SCAF8: variants seen among roughly 807,000 people sequenced by gnomAD.
The protein encoded by SCAF8 is SR-related CTD associated factor 8, also known as SR-related and CTD-associated factor 8.
SCAF8 carries 23 observed loss-of-function variants against 140.5 expected under a neutral mutation model. The ratio of observed to expected loss-of-function variants is 0.16; its 90% CI spans 0.12 to 0.23. The LOEUF (loss-of-function observed/expected upper bound fraction) is 0.23, where lower values mean the gene tolerates loss of function less well. Among genes scored for constraint, SCAF8 ranks in the 10% least tolerant of loss-of-function variants. SCAF8 has a pLI of 1.00. For missense variants in SCAF8, 1,397 were observed against 1,555.7 expected (o/e 0.90, Z 1.72); for synonymous variants, 575 against 528.9 (o/e 1.09, Z -1.20).
At chr6:154,747,896 C>CTGTGTG (rs71021073) in intron 1 of SCAF8, among the ~76,000 whole-genome samples, 6,178 of 144,632 alleles carry the variant, frequency 0.043, 155 homozygotes, top group East Asian at 0.11. Context: ...CATTTCATTT[C>CTGTGTG]TGTGTGTGTG....
In SCAF8 at chr6:154,733,540, G is replaced by C. The variant is rs980296562; in HGVS notation, c.-361G>C. On this transcript the variant is annotated 5_prime_UTR_variant, in exon 1 of 20. Transcript: ENST00000367178. ...GCCCGTCGGAGGAAGGGGCAGAAGGGAGTGGAGAGTGTAGGGGAAGGGGCT... is the reference window on the plus strand; with the variant it reads ...GCCCGTCGGAGGAAGGGGCAGAAGGCAGTGGAGAGTGTAGGGGAAGGGGCT... The C allele has an allele frequency of 8.5e-6, 11 of 1,297,312 alleles. No individual in the cohort carries two copies. Among genetic ancestry groups the C allele is most frequent in the Non-Finnish European group, 1.1e-5 (11 of 1,023,166 alleles). 80.4% of individuals were successfully genotyped at this position (1,297,312 alleles called of 1,614,324 possible).
chr6:154,739,092 C>A (rs1778502211), intron 1 of SCAF8, among the ~76,000 whole-genome samples: 1 of 152,142 alleles, frequency 6.6e-6, no homozygotes, highest in Non-Finnish European at 1.5e-5. Context: ...CTCAAGTGAT[C>A]TTCCTGCTTC....
rs1481573353 is a variant in SCAF8 at position 154,805,489 on chromosome 6, T to A, written c.981+3T>A. The A allele has an allele frequency of 1.3e-6, 2 of 1,546,940 alleles. No individual in the cohort carries two copies. Among genetic ancestry groups the A allele is most frequent in the Non-Finnish European group, 1.8e-6 (2 of 1,123,318 alleles). On this transcript the variant is annotated splice_donor_region_variant and intron_variant, in intron 9 of 19. Coordinates refer to ENST00000367178, the MANE Select transcript of SCAF8 (RefSeq NM_014892.5). ...TGGAGCAGCAACAGCCTCAAAAGGT[T>A]TATAACCCCATCTTGTGGTCTTTAG... is the stretch of plus-strand genomic sequence containing the variant.
chr6:154,827,509 T>TA (rs1274852872), intron 18 of SCAF8, among the ~76,000 whole-genome samples: 2 of 152,190 alleles, frequency 1.3e-5, no homozygotes, highest in African/African-American at 4.8e-5. Context: ...CTATGTGTAT[T>TA]AAATGTCTTA....
intron 1 of SCAF8, among the ~76,000 whole-genome samples, chr6:154,772,035 G>A (rs1213575577): frequency 6.6e-6 from 1 of 152,150 alleles, no homozygotes; most frequent in Non-Finnish European, 1.5e-5. Context: ...TTGGTAGAGG[G>A]AGAGGAGACA....
At chr6:154,778,992 T>C (rs1201819857) in intron 3 of SCAF8, among the ~76,000 whole-genome samples, 1 of 152,206 alleles carries the variant, frequency 6.6e-6, no homozygotes. Context: ...GATCTTTCTT[T>C]AAAAGTTTTA....
At chr6:154,746,993 A>T (rs528166949) in intron 1 of SCAF8, among the ~76,000 whole-genome samples, 1 of 152,360 alleles carries the variant, frequency 6.6e-6, no homozygotes, top group South Asian at 2.1e-4. Flanking sequence ...CATTCTTCAG[A>T]TAACATTCTA....
At chr6:154,787,680 A>G (rs1356080635) in intron 3 of SCAF8, among the ~76,000 whole-genome samples, 181 bp from the exon 4 acceptor site, 1 of 152,214 alleles carries the variant, frequency 6.6e-6, no homozygotes, top group Non-Finnish European at 1.5e-5. Context: ...AGAGTAGCCA[A>G]AGTAGATTCT....
At chr6:154,739,286 CT>C (rs1307861443) in intron 1 of SCAF8, among the ~76,000 whole-genome samples, 3 of 152,108 alleles carry the variant, frequency 2.0e-5, no homozygotes, top group African/African-American at 4.8e-5. Flanking sequence ...GCCACTGCCC[CT>C]GGCCAGATTC....
At chr6:154,795,411 C>A (rs899251707) in intron 6 of SCAF8, among the ~76,000 whole-genome samples, 3 of 152,114 alleles carry the variant, frequency 2.0e-5, no homozygotes. Context: ...TATCACACTC[C>A]AGTAACAAGA....
Position 154,733,539 on chromosome 6 carries a change from GGAGT to G in SCAF8, c.-360_-357del. The G allele has an allele frequency of 4.6e-6, 6 of 1,297,382 alleles. No individual in the cohort carries two copies. Among genetic ancestry groups the G allele is most frequent in the Non-Finnish European group, 4.9e-6 (5 of 1,023,074 alleles). The allele number at this position is 1,297,382 out of a possible 1,614,324, so 80.4% of individuals were successfully genotyped here. A position where few individuals can be genotyped will look rare whatever the true frequency, so the allele number is the denominator to read the frequency against. ...AGCCCGTCGGAGGAAGGGGCAGAAG[GGAGT>G]GGAGAGTGTAGGGGAAGGGGCTAGA... On this transcript the variant is annotated 5_prime_UTR_variant, in exon 1 of 20. An upstream open reading frame in the 5' UTR loses its in-frame stop. Coordinates refer to ENST00000367178, the MANE Select transcript of SCAF8 (RefSeq NM_014892.5).
At position 154,833,305 on chromosome 6, in the gene SCAF8, T is replaced by G; in HGVS notation, c.3726T>G (p.Ser1242=). The G allele has an allele frequency of 3.1e-6, 5 of 1,613,968 alleles. No homozygotes were observed. Among genetic ancestry groups the G allele is most frequent in the Non-Finnish European group, 4.2e-6 (5 of 1,179,958 alleles). ...NDPELYEKLT[S]SNEINKEKSD... ...CTGAACTTTATGAAAAACTGACATCTTCAAATGAAATAAACAAGGAGAAGA... is the reference window on the plus strand; with the variant it reads ...CTGAACTTTATGAAAAACTGACATCGTCAAATGAAATAAACAAGGAGAAGA... The change falls in exon 20 of 20, where the codon TCT becomes TCG. Residue 1242 remains serine, a synonymous_variant. Transcript: ENST00000367178.
Position 154,808,067 on chromosome 6 carries a change from T to C in SCAF8, c.982-3T>C, listed in dbSNP as rs1366944544. ...TTTGTGTGTTTGTATATGTTCTCAA[T>C]AGGCCACTCCTCAGGATAGTCAGGA... On this transcript the variant is annotated splice_polypyrimidine_tract_variant and splice_region_variant and intron_variant, in intron 9 of 19. Transcript: ENST00000367178. The C allele has an allele frequency of 3.7e-6, 6 of 1,611,530 alleles. No individual in the cohort carries two copies. The highest frequency in any genetic ancestry group is 1.1e-5 in the South Asian group (1 of 90,416).
chr6:154,788,692 A>T (rs1777324414), intron 4 of SCAF8, among the ~76,000 whole-genome samples: 1 of 152,224 alleles, frequency 6.6e-6, no homozygotes, highest in Non-Finnish European at 1.5e-5. Context: ...GCATATTAAA[A>T]TTCTTCTATT....
Position 154,810,068 on chromosome 6 carries a change from A to C in SCAF8, c.1280A>C (p.His427Pro). The change falls in exon 12 of 20, where the codon CAC (histidine) becomes CCC (proline). Residue 427 changes from histidine (H) to proline (P), a missense_variant. Physicochemically the swap from His to Pro is moderately conservative, Grantham distance 77. Transcript: ENST00000367178. ...RSRSGSRKRK[H>P]RKRSRSRSRE... ...CGGTCTGGCTCTAGAAAGCGTAAAC[A>C]CAGAAAGCGATCACGCTCCCGCTCA... The C allele has an allele frequency of 2.5e-6, 4 of 1,613,892 alleles. No individual in the cohort carries two copies. The South Asian group carries it at 4.4e-5, about 18-fold the overall frequency.
chr6:154,819,889 A>G lies in SCAF8; in HGVS notation c.1636-288A>G, dbSNP rs564135369. ...CTGCAGTCCCAGCTGCTGCAGGGCT[A>G]AGGCAGGAATATCGATGGCTTGAGC... On this transcript the variant is annotated intron_variant, in intron 14 of 19. Transcript: ENST00000367178. Among the ~76,000 whole-genome samples the G allele has an allele frequency of 5.9e-5, 9 of 151,872 alleles. No homozygotes were observed. The South Asian group carries it at 1.9e-3, about 32-fold the overall frequency.
chr6:154,776,788 G>A (rs1444089714), intron 2 of SCAF8, among the ~76,000 whole-genome samples: 1 of 152,030 alleles, frequency 6.6e-6, no homozygotes, highest in African/African-American at 2.4e-5. Flanking sequence ...TTTTCTTTTT[G>A]TTATTATAAA....
intron 3 of SCAF8, among the ~76,000 whole-genome samples, chr6:154,783,721 CATTT>C (rs748643353): frequency 1.3e-5 from 2 of 152,098 alleles, no homozygotes; most frequent in Non-Finnish European, 2.9e-5. Context: ...AGAAGCGAAA[CATTT>C]ATTCTTCTCT....
At chr6:154,758,330 G>A (rs949939921) in intron 1 of SCAF8, among the ~76,000 whole-genome samples, 1 of 152,202 alleles carries the variant, frequency 6.6e-6, no homozygotes, top group Non-Finnish European at 1.5e-5. Context: ...GTCAGGATGC[G>A]AGTTCTGTCT....
Sources: allele counts gnomAD v4.1 joint callset (sites outside exome capture counted in the v4.1 genomes callset), GRCh38; gene constraint gnomAD v4.1.1; transcripts MANE v1.5; gene names NCBI Gene and HGNC (gene_info 2026-07-23, HGNC 2026-07-21).